COA7: variants seen among roughly 807,000 people sequenced by gnomAD.
The protein encoded by COA7 is Sel1 repeat containing 1.
In COA7, 12 loss-of-function variants were observed where a neutral mutation model predicts 21.0. The observed-to-expected ratio is 0.57, with a 90% CI of 0.37 to 0.92. COA7 has a LOEUF of 0.92. Among genes scored for constraint, COA7 ranks in the 40% least tolerant of loss-of-function variants. COA7 has a pLI of 0.01. For missense variants in COA7, 240 were observed against 286.1 expected (o/e 0.84, Z 1.16); for synonymous variants, 95 against 107.4 (o/e 0.88, Z 0.72).
At chr1:52,689,989 T>C (rs780659924) in intron 2 of COA7, among the ~76,000 whole-genome samples, 25 of 146,492 alleles carry the variant, frequency 1.7e-4, no homozygotes, top group Non-Finnish European at 3.3e-4. Context: ...ATCGCGCCAT[T>C]GCACTCCAGC....
At chr1:52,697,296 A>AG (rs1644091109) in intron 1 of COA7, among the ~76,000 whole-genome samples, 1 of 152,212 alleles carries the variant, frequency 6.6e-6, no homozygotes, top group Non-Finnish European at 1.5e-5. Context: ...CAAAGGTATT[A>AG]GCTGCTCTGG....
intron 1 of COA7, among the ~76,000 whole-genome samples, chr1:52,693,678 G>C (rs12063406): frequency 0.063 from 9,502 of 151,886 alleles, 990 homozygotes; most frequent in African/African-American, 0.22. Context: ...CCTCAGCCAG[G>C]GTAGGAACAT....
rs538820564 is a variant in COA7 at position 52,689,439 on chromosome 1, C to T, written c.248-1271G>A. Among the ~76,000 whole-genome samples the T allele has an allele frequency of 3.8e-4, 58 of 151,878 alleles. 1 individual carries two copies. Among genetic ancestry groups the T allele is most frequent in the African/African-American group, 1.4e-3 (57 of 41,458 alleles). ...AAAATGCTGGGATTACAGGCGTGAG[C>T]CACTTCACCTGGCCTATGAGATTTT... On this transcript the variant is annotated intron_variant, in intron 2 of 2. Transcript: ENST00000371538.
rs7555480 is a variant in COA7, at chr1:52,684,934, C to A, written c.*2786G>T. ...ATTCATTTAAGTTCCTCTGTGACTTCTTATAGCTTGATAACTCATAATTTG... is the reference window on the plus strand; with the variant it reads ...ATTCATTTAAGTTCCTCTGTGACTTATTATAGCTTGATAACTCATAATTTG... On this transcript the variant is annotated 3_prime_UTR_variant, in exon 3 of 3. Transcript: ENST00000371538. 1 of 152,128 alleles carries A rather than the reference C, an allele frequency of 6.6e-6. No homozygotes were observed. The allele number at this position is 152,128 out of a possible 1,614,324, so 9.4% of individuals were successfully genotyped here.
In COA7 at chr1:52,694,461, G is replaced by GGAAAAAAAAAAAAAAAAA. The variant is rs751466526; in HGVS notation, c.107-1595_107-1594insTTTTTTTTTTTTTTTTTC. Among the ~76,000 whole-genome samples the GGAAAAAAAAAAAAAAAAA allele has an allele frequency of 4.6e-5, 3 of 64,982 alleles. 1 individual carries two copies. 42.6% of individuals were successfully genotyped at this position (64,982 alleles called of 152,430 possible). ...GGCAACAAGAGCAAAACTCCATCTC[G>GGAAAAAAAAAAAAAAAAA]AAAAAAAAAAAAAAAAAAAAGCCCA... On this transcript the variant is annotated intron_variant, in intron 1 of 2. Transcript: ENST00000371538.
At chr1:52,690,889 C>T (rs1210700752) in intron 2 of COA7, among the ~76,000 whole-genome samples, 1 of 151,986 alleles carries the variant, frequency 6.6e-6, no homozygotes, top group Admixed American at 6.6e-5. Flanking sequence ...GCGGGTGGAT[C>T]GTTTGAGGTT....
Position 52,688,188 on chromosome 1 carries a change from G to GA in COA7, c.248-21dup. ...GACCACCTGAGAGGAAGGAAAGTAGGAAAAAATAAACCCAAGCCAGGGCAC... is the reference window on the plus strand; with the variant it reads ...GACCACCTGAGAGGAAGGAAAGTAGGAAAAAAATAAACCCAAGCCAGGGCAC... On this transcript the variant is annotated intron_variant, in intron 2 of 2. Coordinates refer to ENST00000371538, the MANE Select transcript of COA7 (RefSeq NM_023077.3). 6.3e-7 allele frequency: 1 copy of GA among 1,592,414 alleles called. No individual in the cohort carries two copies. Among genetic ancestry groups the GA allele is most frequent in the Non-Finnish European group, 8.5e-7 (1 of 1,173,210 alleles).
chr1:52,696,119 A>G (rs1054747433), intron 1 of COA7, among the ~76,000 whole-genome samples: 3 of 152,066 alleles, frequency 2.0e-5, no homozygotes, highest in African/African-American at 7.2e-5. Context: ...TAGTGACCCC[A>G]ATTCCTCTAA....
chr1:52,688,139 C>T lies in COA7; in HGVS notation c.277G>A (p.Ala93Thr), dbSNP rs761860548. Residue 93 changes from alanine (A) to threonine (T), a missense_variant, in exon 3 of 3, where the codon GCC becomes ACC. By Grantham distance (58) the Ala-to-Thr change is moderately conservative. This residue lies in a region of COA7 where 163 missense variants were observed against 214.1 expected (regional missense o/e 0.76). Coordinates refer to ENST00000371538, the MANE Select transcript of COA7 (RefSeq NM_023077.3). ...GGLTQDLKAA[A>T]RCFLMACEKP... ...TCACACGCCATCAAAAAGCACCTGG[C>T]GGCAGCTTTCAGGTCCTGGGTCAGA... 62 of 1,612,166 alleles carry T rather than the reference C, an allele frequency of 3.8e-5. No homozygotes were observed. The highest frequency in any genetic ancestry group is 2.2e-5 in the East Asian group (1 of 44,886).
chr1:52,690,297 T>G (rs538041083), intron 2 of COA7, among the ~76,000 whole-genome samples: 2 of 152,022 alleles, frequency 1.3e-5, no homozygotes, highest in African/African-American at 4.8e-5. Flanking sequence ...AATATAAACA[T>G]TTTAACATTA....
intron 1 of COA7, among the ~76,000 whole-genome samples, chr1:52,693,472 G>A (rs1445678502): frequency 6.6e-6 from 1 of 151,876 alleles, no homozygotes; most frequent in Non-Finnish European, 1.5e-5. Flanking sequence ...CAGGTGTGGT[G>A]GCGCACACCT....
intron 1 of COA7, 48 bp downstream of exon 1, chr1:52,698,173 G>C: frequency 2.9e-6 from 4 of 1,366,876 alleles, no homozygotes; most frequent in Non-Finnish European, 4.1e-6. Context: ...GACCTCTCCG[G>C]GCACGTCCCT....
At chr1:52,691,385 G>C (rs1390650488) in intron 2 of COA7, among the ~76,000 whole-genome samples, 1 of 149,704 alleles carries the variant, frequency 6.7e-6, no homozygotes, top group African/African-American at 2.5e-5. Flanking sequence ...CTGCACTCCA[G>C]TCTGAGAAAC....
chr1:52,696,938 T>C (rs1644087876), intron 1 of COA7, among the ~76,000 whole-genome samples: 1 of 151,988 alleles, frequency 6.6e-6, no homozygotes, highest in Non-Finnish European at 1.5e-5. Flanking sequence ...GGTGAAACCC[T>C]GTCTCTACGA....
Position 52,688,113 on chromosome 1 carries a change from C to T in COA7, c.303G>A (p.Glu101=). The stretch of plus-strand genomic sequence containing the variant: ...CTGCTATTGACTTCTTTCCAGGCTT[C>T]TCACACGCCATCAAAAAGCACCTGG... ...AAARCFLMAC[E]KPGKKSIAAC... Residue 101 remains glutamate, a synonymous_variant, in exon 3 of 3, where the codon GAG becomes GAA. Transcript: ENST00000371538. The T allele has an allele frequency of 6.2e-7, 1 of 1,613,866 alleles. No homozygotes were observed. The highest frequency in any genetic ancestry group is 1.1e-5 in the South Asian group (1 of 91,086).
chr1:52,690,075 G>C (rs923781037), intron 2 of COA7, among the ~76,000 whole-genome samples: 15 of 146,462 alleles, frequency 1.0e-4, no homozygotes, highest in African/African-American at 3.8e-4. Context: ...AGTGTAAAAA[G>C]AGCATGGAGG....
At position 52,687,323 on chromosome 1, in the gene COA7, C is replaced by A; in HGVS notation, c.*397G>T. ...AATGATGACAGCTGATTCCTTTAGGCCCCGGGGCTGCTAATTTTTCAAACT... is the reference window on the plus strand; with the variant it reads ...AATGATGACAGCTGATTCCTTTAGGACCCGGGGCTGCTAATTTTTCAAACT... On this transcript the variant is annotated 3_prime_UTR_variant, in exon 3 of 3. Coordinates refer to ENST00000371538, the MANE Select transcript of COA7 (RefSeq NM_023077.3). 5.2e-6 allele frequency: 1 copy of A among 192,306 alleles called. No individual in the cohort carries two copies. The highest frequency in any genetic ancestry group is 1.1e-5 in the Non-Finnish European group (1 of 92,148). The allele number at this position is 192,306 out of a possible 1,614,324, so 11.9% of individuals were successfully genotyped here.
In COA7 at chr1:52,694,788, G is replaced by A. The variant is rs141986250; in HGVS notation, c.107-1921C>T. Among the ~76,000 whole-genome samples the A allele has an allele frequency of 1.1e-4, 17 of 152,102 alleles. No homozygotes were observed. The East Asian group carries it at 2.9e-3, about 26-fold the overall frequency. On this transcript the variant is annotated intron_variant, in intron 1 of 2. Transcript: ENST00000371538. ...TTAAAAGACAATAAAATGGGCAGGG[G>A]CACAAAGTCCTGGCACAAGGAACAG...
At chr1:52,698,173 G>A in intron 1 of COA7, 48 bp downstream of exon 1, 1 of 1,366,876 alleles carries the variant, frequency 7.3e-7, no homozygotes, top group Admixed American at 1.7e-5. Context: ...GACCTCTCCG[G>A]GCACGTCCCT....
Sources: allele counts gnomAD v4.1 joint callset (sites outside exome capture counted in the v4.1 genomes callset), GRCh38; gene constraint gnomAD v4.1.1; regional missense constraint gnomAD v4.1.1; transcripts MANE v1.5; gene names NCBI Gene and HGNC (gene_info 2026-07-23, HGNC 2026-07-21).